Variants in PCSK5 observed in about 807,000 individuals in gnomAD.
PCSK5 encodes prohormone convertase 5.
In PCSK5, 129 loss-of-function variants were observed where a neutral mutation model predicts 233.2. The observed-to-expected ratio is 0.55, with a 90% confidence interval of 0.48 to 0.64. The LOEUF is 0.64. Among genes scored for constraint, PCSK5 ranks in the 30% least tolerant of loss-of-function variants. PCSK5 has a pLI of 0.00. For synonymous variants in PCSK5, 825 were observed against 879.2 expected (o/e 0.94, Z 1.09); for missense variants, 2,076 against 2,430.1 (o/e 0.85, Z 3.06).
intron 1 of PCSK5, among the ~76,000 whole-genome samples, chr9:75,898,663 G>GAAA (rs35284504): frequency 1.2e-5 from 1 of 86,948 alleles, no homozygotes; most frequent in African/African-American, 6.1e-5. Context: ...TGTGGGATAA[G>GAAA]AAAAAAAAAA....
At chr9:76,331,464 G>A (rs1442290578) in intron 33 of PCSK5, among the ~76,000 whole-genome samples, 2 of 152,058 alleles carry the variant, frequency 1.3e-5, no homozygotes, top group Non-Finnish European at 1.5e-5. Context: ...TCAGGAGATC[G>A]AGACCATCCT....
At chr9:76,201,708 A>G (rs1252385467) in intron 20 of PCSK5, among the ~76,000 whole-genome samples, 2 of 152,348 alleles carry the variant, frequency 1.3e-5, no homozygotes, top group East Asian at 3.9e-4. Context: ...AGTAACAACC[A>G]ATGGGCCATA....
At chr9:76,012,002 T>C (rs1425674386) in intron 3 of PCSK5, among the ~76,000 whole-genome samples, 1 of 152,242 alleles carries the variant, frequency 6.6e-6, no homozygotes, top group African/African-American at 2.4e-5. Context: ...ACTTGTTTAG[T>C]ATCCATCTGC....
In PCSK5 at chr9:76,163,973, C is replaced by A. The variant is rs936456175; in HGVS notation, c.1619+4802C>A. Among the ~76,000 whole-genome samples, 4 of 150,596 alleles carry A rather than the reference C, an allele frequency of 2.7e-5. No homozygotes were observed. In the South Asian group the frequency reaches 8.4e-4, roughly 32 times the overall value. ...TCGATTGAAAGGTGAAACTTTGCCT[C>A]CCTTTCTAAATTTAATTACAGATGA... On this transcript the variant is annotated intron_variant, in intron 12 of 37. Transcript: ENST00000674117.
rs1017162060 is a variant in PCSK5, at chr9:76,157,116, G to A, written c.1384G>A (p.Val462Ile). Residue 462 changes from valine (V) to isoleucine (I), a missense_variant, in exon 11 of 38, where the codon GTT becomes ATT. Around this residue, in one of 6 missense-constraint regions of PCSK5, gnomAD observed 64 missense variants for 68.6 expected, o/e 0.93. Coordinates refer to ENST00000674117, the MANE Select transcript of PCSK5 (RefSeq NM_001372043.1). ...MVMEAEKWTT[V>I]PRQHVCVEST... The stretch of plus-strand genomic sequence containing the variant: ...GATGGAGGCAGAGAAGTGGACCACC[G>A]TTCCCCGGCAGCACGTGTGTGTGGA... The A allele has an allele frequency of 5.0e-6, 8 of 1,613,626 alleles. No individual in the cohort carries two copies. The highest frequency in any genetic ancestry group is 2.2e-5 in the South Asian group (2 of 91,068).
intron 9 of PCSK5, among the ~76,000 whole-genome samples, chr9:76,128,313 A>G (rs1476422172): frequency 6.6e-6 from 1 of 152,166 alleles, no homozygotes; most frequent in African/African-American, 2.4e-5. Context: ...GGCCTTAAGG[A>G]TTATATTCAG....
intron 9 of PCSK5, among the ~76,000 whole-genome samples, chr9:76,132,848 G>A (rs182941795): frequency 3.4e-3 from 517 of 152,048 alleles, no homozygotes; most frequent in African/African-American, 0.012. Context: ...CTGATCACTA[G>A]ACCCCTTCTT....
intron 24 of PCSK5, among the ~76,000 whole-genome samples, chr9:76,262,658 T>C (rs9775261): frequency 0.035 from 5,277 of 151,280 alleles, 130 homozygotes; most frequent in African/African-American, 0.075. Flanking sequence ...ACGTTAGACC[T>C]AAAACCACAA....
At chr9:76,254,801 A>G (rs1826926268) in intron 24 of PCSK5, among the ~76,000 whole-genome samples, 1 of 152,214 alleles carries the variant, frequency 6.6e-6, no homozygotes, top group Non-Finnish European at 1.5e-5. Context: ...CAGGCTAGAC[A>G]TGGGGATATA....
intron 9 of PCSK5, among the ~76,000 whole-genome samples, chr9:76,131,580 C>T (rs1192680193): frequency 6.6e-6 from 1 of 152,128 alleles, no homozygotes; most frequent in East Asian, 1.9e-4. Context: ...AAACAAGTAA[C>T]TCTTATTTCT....
chr9:75,977,031 A>G (rs974712548), intron 2 of PCSK5, among the ~76,000 whole-genome samples: 21 of 152,134 alleles, frequency 1.4e-4, no homozygotes, highest in African/African-American at 5.1e-4. Context: ...AGAATGCATC[A>G]CTTAACGTCA....
chr9:76,321,669 G>T, intron 31 of PCSK5, 30 bp downstream of exon 31: 2 of 1,471,674 alleles, frequency 1.4e-6, no homozygotes, highest in Non-Finnish European at 1.9e-6. Flanking sequence ...AGGAGAGCAA[G>T]GCTCTGCTGA....
At chr9:75,951,126 A>C (rs1162232916) in intron 2 of PCSK5, among the ~76,000 whole-genome samples, 4 of 152,328 alleles carry the variant, frequency 2.6e-5, no homozygotes, top group African/African-American at 4.8e-5. Flanking sequence ...CCAAACTGGC[A>C]CTGAATCTGA....
chr9:75,989,677 T>C (rs890516724), intron 3 of PCSK5, among the ~76,000 whole-genome samples: 4 of 152,234 alleles, frequency 2.6e-5, no homozygotes, highest in African/African-American at 9.6e-5. Flanking sequence ...CATGGGTTCC[T>C]CTCTATGTGG....
At chr9:76,191,784 C>CCTTTA (rs1253271120) in intron 20 of PCSK5, among the ~76,000 whole-genome samples, 3 of 152,102 alleles carry the variant, frequency 2.0e-5, no homozygotes, top group Admixed American at 6.6e-5. Context: ...GCAAGTGCCT[C>CCTTTA]CTTTACTTTA....
rs1286722463 is a variant in PCSK5, at chr9:76,126,027, T to C, written c.1209-8082T>C. The stretch of plus-strand genomic sequence containing the variant: ...ATTCTGGAAAGATAGCATTTTGGCA[T>C]CCCAAGATATATAATAGAGGGAGAC... On this transcript the variant is annotated intron_variant, in intron 9 of 37. Transcript: ENST00000674117. Among the ~76,000 whole-genome samples the C allele has an allele frequency of 5.3e-5, 8 of 152,160 alleles. No individual in the cohort carries two copies. The South Asian group carries it at 1.7e-3, about 32-fold the overall frequency.
intron 7 of PCSK5, among the ~76,000 whole-genome samples, chr9:76,086,663 C>T (rs202136410): frequency 6.6e-6 from 1 of 151,944 alleles, no homozygotes; most frequent in Non-Finnish European, 1.5e-5. Flanking sequence ...GCATGTTTTC[C>T]TAAAGAAGTT....
chr9:76,314,147 A>C (rs7022994), intron 30 of PCSK5, among the ~76,000 whole-genome samples: 8,631 of 152,260 alleles, frequency 0.057, 266 homozygotes, highest in Non-Finnish European at 0.061. Context: ...TGCTTTACTC[A>C]AGTTAGTTGA....
At chr9:76,064,157 G>A (rs1328194596) in intron 5 of PCSK5, among the ~76,000 whole-genome samples, 11 of 120,032 alleles carry the variant, frequency 9.2e-5, no homozygotes, top group Non-Finnish European at 1.2e-4. Context: ...CCTCCCTCCC[G>A]GACGGGGCGG....
Sources: allele counts gnomAD v4.1 joint callset (sites outside exome capture counted in the v4.1 genomes callset), GRCh38; gene constraint gnomAD v4.1.1; regional missense constraint gnomAD v4.1.1; transcripts MANE v1.5; gene names NCBI Gene and HGNC (gene_info 2026-07-23, HGNC 2026-07-21).